Variants in ITPKB observed in about 807,000 individuals in gnomAD.
The protein encoded by ITPKB is inositol-trisphosphate 3-kinase B.
ITPKB carries 13 observed loss-of-function variants against 69.4 expected under a neutral mutation model. The observed-to-expected ratio is 0.19, with a 90% confidence interval of 0.12 to 0.30. The LOEUF (loss-of-function observed/expected upper bound fraction) is 0.30, where lower values mean the gene tolerates loss of function less well. Ranked by LOEUF, ITPKB falls within the 10% of genes least tolerant of loss-of-function variation. ITPKB has a pLI of 1.00. For synonymous variants in ITPKB, 584 were observed against 513.7 expected, an observed-to-expected ratio of 1.14 and a Z score of -1.85; for missense variants, 1,240 against 1,250.5, an observed-to-expected ratio of 0.99 and a Z score of 0.13.
At chr1:226,658,842 G>A (rs966684518) in intron 2 of ITPKB, among the ~76,000 whole-genome samples, 14 of 152,142 alleles carry the variant, frequency 9.2e-5, no homozygotes, top group African/African-American at 3.1e-4. Flanking sequence ...GCAGGAGAAC[G>A]AGGATGATGG....
rs1668776362 is a variant in ITPKB, at chr1:226,634,063, G to T, written c.*608C>A. 6.6e-6 allele frequency: 1 copy of T among 152,560 alleles called. No homozygotes were observed. Among genetic ancestry groups the T allele is most frequent in the African/African-American group, 2.4e-5 (1 of 41,448 alleles). 9.5% of individuals were successfully genotyped at this position (152,560 alleles called of 1,614,324 possible). A position where few individuals can be genotyped will look rare whatever the true frequency, so the allele number is the denominator to read the frequency against. ...CAGGTTTCCATACCAGATGGGTGGG[G>T]GGCCTTGCCTGAGCAGCCCTGGAGA... On this transcript the variant is annotated 3_prime_UTR_variant, in exon 8 of 8. Transcript: ENST00000429204. The surrounding 1 kb of genome is among the most constrained non-coding windows in gnomAD (Gnocchi z 6.3).
intron 7 of ITPKB, among the ~76,000 whole-genome samples, chr1:226,636,794 G>GTT (rs1558298456): frequency 9.9e-4 from 116 of 116,976 alleles, no homozygotes; most frequent in African/African-American, 4.9e-3. Context: ...GTGTGTGTGT[G>GTT]AGACTGGGAA....
chr1:226,719,358 C>T (rs903407302), intron 2 of ITPKB, among the ~76,000 whole-genome samples: 2 of 152,164 alleles, frequency 1.3e-5, no homozygotes, highest in Non-Finnish European at 2.9e-5. Context: ...TCCTGGTGGT[C>T]GCTCCCTGCT....
In ITPKB at chr1:226,656,208, A is replaced by T. The variant is rs539663774; in HGVS notation, c.1933-7437T>A. Among the ~76,000 whole-genome samples, 118 of 152,218 alleles carry T rather than the reference A, an allele frequency of 7.8e-4. No individual in the cohort carries two copies. The Middle Eastern group carries it at 0.02, about 26-fold the overall frequency. Reference sequence around the variant, plus strand: ...TTCCATCCCAGTTCTTCTCTTTAACACAAGAAAGGGACCTTGGTTTACCCT... The same window carrying T: ...TTCCATCCCAGTTCTTCTCTTTAACTCAAGAAAGGGACCTTGGTTTACCCT... On this transcript the variant is annotated intron_variant, in intron 2 of 7. Coordinates refer to ENST00000429204, the MANE Select transcript of ITPKB (RefSeq NM_002221.4).
At chr1:226,640,653 G>A (rs1668942863) in intron 5 of ITPKB, among the ~76,000 whole-genome samples, 1 of 152,176 alleles carries the variant, frequency 6.6e-6, no homozygotes, top group Non-Finnish European at 1.5e-5. Context: ...AGAGGTGAAG[G>A]GAAAGTGGAT....
intron 2 of ITPKB, among the ~76,000 whole-genome samples, chr1:226,712,790 G>A (rs1558093425): frequency 6.6e-6 from 1 of 152,218 alleles, no homozygotes; most frequent in Non-Finnish European, 1.5e-5. Flanking sequence ...CAGATTGCAG[G>A]TGTGAAAATA....
At chr1:226,710,658 T>G (rs1282107213) in intron 2 of ITPKB, among the ~76,000 whole-genome samples, 1 of 152,240 alleles carries the variant, frequency 6.6e-6, no homozygotes, top group Non-Finnish European at 1.5e-5. Context: ...ACACTCATGC[T>G]GGGACACGCT....
chr1:226,718,050 C>G (rs2102641579), intron 2 of ITPKB, among the ~76,000 whole-genome samples: 1 of 151,788 alleles, frequency 6.6e-6, no homozygotes, highest in Admixed American at 6.6e-5. Context: ...ATCCCCAACA[C>G]TTTGGGAGGC....
In ITPKB at chr1:226,647,384, G is replaced by A. The variant is rs1669082794; in HGVS notation, c.2033-4C>T. ...TTGGCAGCTGCCTTGAAACTCCCTGGAGAGCAAGTGTAGAAGGTTCCTGGT... is the reference window on the plus strand; with the variant it reads ...TTGGCAGCTGCCTTGAAACTCCCTGAAGAGCAAGTGTAGAAGGTTCCTGGT... On this transcript the variant is annotated splice_polypyrimidine_tract_variant and splice_region_variant and intron_variant, in intron 3 of 7. Transcript: ENST00000429204. 6.2e-7 allele frequency: 1 copy of A among 1,610,542 alleles called. No individual in the cohort carries two copies. The highest frequency in any genetic ancestry group is 1.1e-5 in the South Asian group (1 of 90,724).
chr1:226,733,350 C>T (rs1466355530), intron 2 of ITPKB, among the ~76,000 whole-genome samples: 1 of 152,196 alleles, frequency 6.6e-6, no homozygotes, highest in African/African-American at 2.4e-5. Flanking sequence ...AGCCAAAAGA[C>T]TCACTCCATC....
At chr1:226,638,966 C>G (rs1376554549) in intron 6 of ITPKB, among the ~76,000 whole-genome samples, 1 of 151,792 alleles carries the variant, frequency 6.6e-6, no homozygotes, top group Non-Finnish European at 1.5e-5. Flanking sequence ...CAGGGACAAG[C>G]ACATCGCCTT....
At chr1:226,714,986 AG>A (rs776086189) in intron 2 of ITPKB, among the ~76,000 whole-genome samples, 7 of 152,260 alleles carry the variant, frequency 4.6e-5, no homozygotes, top group Non-Finnish European at 7.3e-5. Flanking sequence ...TACACAGAGC[AG>A]CCCCACACAA....
chr1:226,707,823 G>C, intron 2 of ITPKB: 1 of 1,169,962 alleles, frequency 8.5e-7, no homozygotes, highest in Middle Eastern at 2.5e-4. Flanking sequence ...TTTCCAGAGA[G>C]TAGTGTAGGA....
intron 2 of ITPKB, among the ~76,000 whole-genome samples, chr1:226,661,333 T>C (rs1185659689): frequency 2.6e-5 from 4 of 152,218 alleles, no homozygotes; most frequent in Non-Finnish European, 5.9e-5. Flanking sequence ...GTATTTGCTA[T>C]GTGTGTGTGA....
At chr1:226,719,447 C>T (rs909835683) in intron 2 of ITPKB, among the ~76,000 whole-genome samples, 24 of 152,272 alleles carry the variant, frequency 1.6e-4, no homozygotes, top group African/African-American at 5.3e-4. Context: ...ACTTGGTGAC[C>T]GCAGCTGTGC....
chr1:226,649,453 A>G (rs1025152357), intron 2 of ITPKB, among the ~76,000 whole-genome samples: 2 of 134,436 alleles, frequency 1.5e-5, no homozygotes, highest in Admixed American at 7.5e-5. Context: ...GTGTGTGTGC[A>G]TGTGTGATAT....
chr1:226,714,471 T>C (rs556622223), intron 2 of ITPKB, among the ~76,000 whole-genome samples: 62 of 152,346 alleles, frequency 4.1e-4, no homozygotes, highest in South Asian at 2.5e-3. Flanking sequence ...CATGAAGAGC[T>C]GCTGTAACCC....
chr1:226,689,584 T>C (rs1319005143), intron 2 of ITPKB, among the ~76,000 whole-genome samples: 1 of 150,804 alleles, frequency 6.6e-6, no homozygotes, highest in Non-Finnish European at 1.5e-5. Flanking sequence ...TGTGTGTGTG[T>C]GTGTGTGTGT....
chr1:226,659,667 T>C (rs1019261297), intron 2 of ITPKB: 2 of 151,326 alleles, frequency 1.3e-5, no homozygotes, highest in African/African-American at 4.9e-5. Flanking sequence ...AGATGCAGGA[T>C]GTGGATACGC....
Sources: gnomAD v4.1 joint callset for allele counts (sites outside exome capture counted in the v4.1 genomes callset) on GRCh38, gnomAD v4.1.1 for gene constraint, Gnocchi (gnomAD v3.1) non-coding constraint, MANE v1.5 for transcripts, NCBI Gene and HGNC (gene_info 2026-07-23, HGNC 2026-07-21) for gene names.